CTSB: variants seen among roughly 807,000 people sequenced by gnomAD.
CTSB encodes the protein APP secretase.
A neutral mutation model predicts 44.3 loss-of-function variants in CTSB; 57 were observed. That is an observed-to-expected ratio of 1.29 (90% CI 1.04 to 1.60). The LOEUF (loss-of-function observed/expected upper bound fraction) is 1.60, where lower values mean the gene tolerates loss of function less well. Ranked by LOEUF, CTSB falls within the 40% of genes most tolerant of loss-of-function variation. The pLI, the probability that CTSB is intolerant of heterozygous loss-of-function variation, is 0.00. For missense variants in CTSB, 768 were observed against 443.0 expected (o/e 1.73, Z -6.59); for synonymous variants, 320 against 168.0 (o/e 1.91, Z -7.00).
At chr8:11,849,300 G>T in intron 4 of CTSB, 136 bp from the exon 5 acceptor site, 2 of 591,106 alleles carry the variant, frequency 3.4e-6, no homozygotes, top group South Asian at 1.9e-5. Context: ...CGCTCCTGGG[G>T]CTCAAACTCA....
Position 11,849,035 on chromosome 8 carries a change from G to T in CTSB, c.446+11C>A. 1 of 1,603,250 alleles carries T rather than the reference G, an allele frequency of 6.2e-7. No homozygotes were observed. The highest frequency in any genetic ancestry group is 8.5e-7 in the Non-Finnish European group (1 of 1,171,120). ...GCACTAAACCCGCTGTGGAAGCACA[G>T]CCTGACTCACCCGTCCCCACACATG... On this transcript the variant is annotated intron_variant, in intron 5 of 9. Coordinates refer to ENST00000353047, the MANE Select transcript of CTSB (RefSeq NM_001908.5).
intron 1 of CTSB, among the ~76,000 whole-genome samples, chr8:11,856,590 AAAT>A (rs907661772): frequency 3.3e-5 from 5 of 152,164 alleles, no homozygotes; most frequent in African/African-American, 7.2e-5. Context: ...CTTCATCTAA[AAAT>A]AATAATAATA....
chr8:11,847,744 G>A lies in CTSB; in HGVS notation c.611C>T (p.Thr204Ile). 1.9e-6 allele frequency: 3 copies of A among 1,600,614 alleles called. No individual in the cohort carries two copies. Among genetic ancestry groups the A allele is most frequent in the Non-Finnish European group, 2.6e-6 (3 of 1,175,632 alleles). ...CTCACAGATCTTGCTACACTTGGGG[G>A]TATCTCCCTCCCCCGTGCATGGGGG... Reference protein sequence around the residue: ...SRPPCTGEGDTPKCSKICEPG... With the variant: ...SRPPCTGEGDIPKCSKICEPG... Residue 204 changes from threonine (T) to isoleucine (I), a missense_variant, in exon 7 of 10, where the codon ACC (threonine) becomes ATC (isoleucine). Thr to Ile is a moderately conservative substitution (Grantham distance 89, BLOSUM62 -1). Transcript: ENST00000353047.
rs767136934 is a variant in CTSB at position 11,861,764 on chromosome 8, T to C, written c.-26+6237A>G. Among the ~76,000 whole-genome samples the C allele has an allele frequency of 9.2e-5, 14 of 152,326 alleles. No homozygotes were observed. The South Asian group carries it at 1.0e-3, about 11-fold the overall frequency. On this transcript the variant is annotated intron_variant, in intron 1 of 9. Coordinates refer to ENST00000353047, the MANE Select transcript of CTSB (RefSeq NM_001908.5). Reference sequence around the variant, plus strand: ...CCTTGGGCCTGCTTTATAAAAGCTTTTAGAGATCCTTTGAGATTGCAATGA... The same window carrying C: ...CCTTGGGCCTGCTTTATAAAAGCTTCTAGAGATCCTTTGAGATTGCAATGA...
Position 11,858,834 on chromosome 8 carries a change from G to T in CTSB, c.-25-5355C>A, listed in dbSNP as rs576062192. Among the ~76,000 whole-genome samples the T allele has an allele frequency of 4.6e-5, 7 of 152,296 alleles. No homozygotes were observed. The South Asian group carries it at 1.2e-3, about 27-fold the overall frequency. ...GCTGAGCTGTTAACAGCTTTCCAGG[G>T]TCTTTGCATGGGACAGCAACCCATT... On this transcript the variant is annotated intron_variant, in intron 1 of 9. Transcript: ENST00000353047.
At chr8:11,847,931 AG>A in intron 6 of CTSB, 109 bp from the exon 7 acceptor site, 2 of 1,404,280 alleles carry the variant, frequency 1.4e-6, no homozygotes. Flanking sequence ...GTCCTGCCAG[AG>A]GCCTGTGCAC....
chr8:11,852,200 G>C (rs1347405315), intron 3 of CTSB, among the ~76,000 whole-genome samples: 3 of 152,110 alleles, frequency 2.0e-5, no homozygotes, highest in Non-Finnish European at 4.4e-5. Context: ...GCGAAACCCA[G>C]TCTCTACTAA....
At chr8:11,864,271 G>A (rs754228248) in intron 1 of CTSB, 5 of 133,684 alleles carry the variant, frequency 3.7e-5, no homozygotes, top group Admixed American at 1.7e-4. Context: ...TTGAAACCAG[G>A]AGTTTCAGAG....
At position 11,849,144 on chromosome 8, in the gene CTSB, G is replaced by T; in HGVS notation, c.348C>A (p.Ala116=). ...GSCWAFGAVE[A]ISDRICIHTN... is the part of the protein sequence containing the mutation. ...TGTGGATGCAGATCCGGTCAGAGAT[G>T]GCTTCCACAGCCCCGAAGGCCTGCA... Residue 116 remains alanine (A), a synonymous_variant, in exon 5 of 10, where the codon GCC becomes GCA. Transcript: ENST00000353047. The T allele has an allele frequency of 6.2e-7, 1 of 1,612,696 alleles. No individual in the cohort carries two copies. The highest frequency in any genetic ancestry group is 8.5e-7 in the Non-Finnish European group (1 of 1,179,762).
intron 1 of CTSB, among the ~76,000 whole-genome samples, chr8:11,859,523 G>T (rs1314028087): frequency 6.6e-6 from 1 of 152,156 alleles, no homozygotes; most frequent in South Asian, 2.1e-4. Flanking sequence ...CGCTTTGGGA[G>T]GTCAAGGCAG....
chr8:11,866,672 C>A (rs1403862167), intron 1 of CTSB, among the ~76,000 whole-genome samples: 2 of 152,202 alleles, frequency 1.3e-5, no homozygotes, highest in Admixed American at 6.5e-5. Flanking sequence ...TCTGCCTGGT[C>A]AACATGGTGA....
chr8:11,845,575 C>A lies in CTSB; in HGVS notation c.922+86G>T. ...CGTAGGTCCAGGGTTTAAGGCTGTG[C>A]GGTGGGTAGAACAGAGAAAGCCGAG... On this transcript the variant is annotated intron_variant, in intron 9 of 9. Coordinates refer to ENST00000353047, the MANE Select transcript of CTSB (RefSeq NM_001908.5). The A allele has an allele frequency of 2.7e-6, 4 of 1,497,662 alleles. No homozygotes were observed. The South Asian group carries it at 3.8e-5, about 14-fold the overall frequency. The allele number at this position is 1,497,662 out of a possible 1,614,324, so 92.8% of individuals were successfully genotyped here. A position where few individuals can be genotyped will look rare whatever the true frequency, so the allele number is the denominator to read the frequency against.
In CTSB at chr8:11,843,871, A is replaced by G. The variant is rs997363437; in HGVS notation, c.*1254T>C. 4 of 152,054 alleles carry G rather than the reference A, an allele frequency of 2.6e-5. No homozygotes were observed. The highest frequency in any genetic ancestry group is 5.9e-5 in the Non-Finnish European group (4 of 68,048). 9.4% of individuals were successfully genotyped at this position (152,054 alleles called of 1,614,324 possible). A position where few individuals can be genotyped will look rare whatever the true frequency, so the allele number is the denominator to read the frequency against. On this transcript the variant is annotated 3_prime_UTR_variant, in exon 10 of 10. Transcript: ENST00000353047. ...CATGGTGAAATCCTGTATGTACTTA[A>G]AAATACAAAAATTACCCAGGCATAT...
chr8:11,845,038 A>C lies in CTSB; in HGVS notation c.*87T>G. On this transcript the variant is annotated 3_prime_UTR_variant, in exon 10 of 10. Coordinates refer to ENST00000353047, the MANE Select transcript of CTSB (RefSeq NM_001908.5). ...ATCCAGTCCTTCAGACCCTGTCTGA[A>C]ACTTGTATCTTACGTGAACTTAAAG... 1.1e-6 allele frequency: 1 copy of C among 927,872 alleles called. No homozygotes were observed. The highest frequency in any genetic ancestry group is 2.5e-5 in the East Asian group (1 of 39,294). 57.5% of individuals were successfully genotyped at this position (927,872 alleles called of 1,614,324 possible).
At chr8:11,852,816 G>T (rs1018371355) in intron 2 of CTSB, 121 bp from the exon 3 acceptor site, 5 of 832,696 alleles carry the variant, frequency 6.0e-6, no homozygotes, top group Non-Finnish European at 9.5e-6. Flanking sequence ...AAGGGCCCAA[G>T]GGTTGGGGGG....
intron 1 of CTSB, chr8:11,862,307 T>C (rs1816555047): frequency 6.6e-6 from 1 of 151,944 alleles, no homozygotes; most frequent in Non-Finnish European, 1.5e-5. Flanking sequence ...GCAAGGCTGA[T>C]GGAAGATACA....
At chr8:11,850,342 C>T (rs561697894) in intron 4 of CTSB, among the ~76,000 whole-genome samples, 2 of 145,550 alleles carry the variant, frequency 1.4e-5, no homozygotes, top group African/African-American at 5.2e-5. Context: ...TTGCTTGAAC[C>T]CAGGAGGCAG....
Position 11,845,682 on chromosome 8 carries a change from T to A in CTSB, c.901A>T (p.Asn301Tyr). Residue 301 changes from asparagine to tyrosine, a missense_variant, in exon 9 of 10, where the codon AAC becomes TAC. Coordinates refer to ENST00000353047, the MANE Select transcript of CTSB (RefSeq NM_001908.5). ...TPYWLVANSWNTDWGDNGFFK... is the reference protein window; with the variant it reads ...TPYWLVANSWYTDWGDNGFFK... ...TCACCATTGTCACCCCAGTCAGTGT[T>A]CCAGGAGTTGGCAACCAGCCAGTAG... 2.5e-6 allele frequency: 4 copies of A among 1,613,866 alleles called. No homozygotes were observed. The highest frequency in any genetic ancestry group is 2.5e-6 in the Non-Finnish European group (3 of 1,179,772).
At chr8:11,850,805 ACT>A (rs746178200) in intron 4 of CTSB, 59 bp downstream of exon 4, 2 of 1,225,252 alleles carry the variant, frequency 1.6e-6, no homozygotes, top group African/African-American at 1.5e-5. Flanking sequence ...ATCCCCCAAG[ACT>A]CTCCAGTGTT....
Sources: gnomAD v4.1 joint callset for allele counts (sites outside exome capture counted in the v4.1 genomes callset) on GRCh38, gnomAD v4.1.1 for gene constraint, MANE v1.5 for transcripts, NCBI Gene and HGNC (gene_info 2026-07-23, HGNC 2026-07-21) for gene names.